Variants in HIBADH observed in about 807,000 individuals in gnomAD.
HIBADH encodes the protein 3-hydroxyisobutyrate dehydrogenase, mitochondrial.
In HIBADH, 25 loss-of-function variants were observed where a neutral mutation model predicts 36.1. The observed-to-expected ratio is 0.69, with a 90% confidence interval of 0.50 to 0.97. HIBADH has a LOEUF of 0.97. Among genes scored for constraint, HIBADH ranks in the 50% least tolerant of loss-of-function variants. The probability of loss-of-function intolerance (pLI) is 0.00; values close to 1 mark genes in which losing one functional copy is unlikely to be tolerated. For missense variants in HIBADH, 421 were observed against 418.0 expected, an observed-to-expected ratio of 1.01 and a Z score of -0.06; for synonymous variants, 160 against 149.5, an observed-to-expected ratio of 1.07 and a Z score of -0.51.
intron 2 of HIBADH, among the ~76,000 whole-genome samples, chr7:27,634,761 G>C (rs1349245808): frequency 1.3e-5 from 2 of 152,192 alleles, no homozygotes; most frequent in Non-Finnish European, 2.9e-5. Context: ...GGGCCCTGAA[G>C]GGCACCAACA....
At position 27,613,653 on chromosome 7, in the gene HIBADH, T is replaced by G. The variant is rs1338582692; in HGVS notation, c.484+15718A>C. Among the ~76,000 whole-genome samples the G allele has an allele frequency of 1.3e-4, 11 of 84,204 alleles. No individual in the cohort carries two copies. The Admixed American group carries it at 1.4e-3, about 11-fold the overall frequency. The allele number at this position is 84,204 out of a possible 152,430, so 55.2% of individuals were successfully genotyped here. A position where few individuals can be genotyped will look rare whatever the true frequency, so the allele number is the denominator to read the frequency against. On this transcript the variant is annotated intron_variant, in intron 4 of 7. Transcript: ENST00000265395. ...CTAGTGGGGTTTTTTGTTGTTGTTG[T>G]GGGTTTTTTTTGTTTTTTTTTTTTG...
intron 2 of HIBADH, among the ~76,000 whole-genome samples, chr7:27,639,207 G>A (rs544732267): frequency 3.9e-5 from 6 of 152,258 alleles, no homozygotes; most frequent in Admixed American, 2.0e-4. Context: ...ATCAATGGTA[G>A]ACTGAATAAA....
At chr7:27,619,442 A>G (rs1785498150) in intron 4 of HIBADH, among the ~76,000 whole-genome samples, 1 of 152,334 alleles carries the variant, frequency 6.6e-6, no homozygotes, top group South Asian at 2.1e-4. Context: ...GAATACAACA[A>G]TTCTACAACA....
chr7:27,652,244 T>C (rs6958747), intron 1 of HIBADH, among the ~76,000 whole-genome samples: 115,319 of 152,150 alleles, frequency 0.76, 44,134 homozygotes, highest in East Asian at 0.94. Flanking sequence ...CTTGTAAACA[T>C]TGTATGATAC....
intron 1 of HIBADH, among the ~76,000 whole-genome samples, chr7:27,658,379 A>G (rs539011177): frequency 6.6e-6 from 1 of 152,330 alleles, no homozygotes; most frequent in South Asian, 2.1e-4. Flanking sequence ...TCTATTACTG[A>G]GGACGAATGA....
At chr7:27,611,990 TCTTC>T (rs1171599482) in intron 4 of HIBADH, among the ~76,000 whole-genome samples, 1 of 152,122 alleles carries the variant, frequency 6.6e-6, no homozygotes, top group African/African-American at 2.4e-5. Flanking sequence ...AAACTGTTAC[TCTTC>T]CTTTTTTTTT....
At chr7:27,581,781 T>C (rs1301646782) in intron 4 of HIBADH, among the ~76,000 whole-genome samples, 2 of 151,904 alleles carry the variant, frequency 1.3e-5, no homozygotes, top group Admixed American at 1.3e-4. Context: ...AAGACCACCA[T>C]ACAGAATATC....
chr7:27,658,471 A>G (rs1459280534), intron 1 of HIBADH, among the ~76,000 whole-genome samples: 3 of 152,236 alleles, frequency 2.0e-5, no homozygotes, highest in Non-Finnish European at 4.4e-5. Context: ...TCTTTCTCCA[A>G]TGTAACAAGG....
At chr7:27,552,218 C>T (rs534170991) in intron 4 of HIBADH, among the ~76,000 whole-genome samples, 1 of 152,256 alleles carries the variant, frequency 6.6e-6, no homozygotes, top group South Asian at 2.1e-4. Context: ...TTTCAGAGTC[C>T]ATGTCAGATG....
At chr7:27,638,045 G>C (rs1201509581) in intron 2 of HIBADH, among the ~76,000 whole-genome samples, 1 of 151,924 alleles carries the variant, frequency 6.6e-6, no homozygotes, top group Non-Finnish European at 1.5e-5. Context: ...AACTACCAAT[G>C]ACATTCTTCA....
intron 7 of HIBADH, among the ~76,000 whole-genome samples, chr7:27,528,643 TAGTG>T (rs1783948475): frequency 6.6e-6 from 1 of 152,272 alleles, no homozygotes; most frequent in African/African-American, 2.4e-5. Context: ...GTGAAGCTAG[TAGTG>T]ATTAGTTCAT....
At chr7:27,577,951 C>A (rs1387696274) in intron 4 of HIBADH, among the ~76,000 whole-genome samples, 1 of 152,182 alleles carries the variant, frequency 6.6e-6, no homozygotes, top group African/African-American at 2.4e-5. Flanking sequence ...ATCAACAGTT[C>A]ATGACCCACC....
intron 4 of HIBADH, among the ~76,000 whole-genome samples, chr7:27,565,605 G>A (rs1385737676): frequency 2.6e-5 from 4 of 152,148 alleles, no homozygotes; most frequent in East Asian, 1.9e-4. Context: ...GGACAATCAT[G>A]TCATTTGTGA....
intron 1 of HIBADH, among the ~76,000 whole-genome samples, chr7:27,659,484 G>T (rs949824983): frequency 1.3e-5 from 2 of 152,092 alleles, no homozygotes; most frequent in African/African-American, 2.4e-5. Context: ...GGAGGCTGAG[G>T]CAGGAGGATC....
chr7:27,621,771 G>A (rs1785547505), intron 4 of HIBADH, among the ~76,000 whole-genome samples: 1 of 152,106 alleles, frequency 6.6e-6, no homozygotes, highest in African/African-American at 2.4e-5. Context: ...CAGCCTGGGT[G>A]ACAAAGCGAG....
chr7:27,632,379 T>A lies in HIBADH; in HGVS notation c.319A>T (p.Ile107Phe). Reference sequence around the variant, plus strand: ...CCGGAATAAGCTTCTATTGCATTGATACTGGTGGGCAGCATTGTAATAATT... The same window carrying A: ...CCGGAATAAGCTTCTATTGCATTGAAACTGGTGGGCAGCATTGTAATAATT... ...DRIITMLPTS[I>F]NAIEAYSGAN... The change falls in exon 3 of 8, where the codon ATC becomes TTC. Residue 107 changes from isoleucine to phenylalanine, a missense_variant. Transcript: ENST00000265395. 1 of 1,613,564 alleles carries A rather than the reference T, an allele frequency of 6.2e-7. No homozygotes were observed. Among genetic ancestry groups the A allele is most frequent in the Non-Finnish European group, 8.5e-7 (1 of 1,179,604 alleles).
At chr7:27,569,053 T>A (rs1784589756) in intron 4 of HIBADH, among the ~76,000 whole-genome samples, 1 of 152,104 alleles carries the variant, frequency 6.6e-6, no homozygotes, top group Non-Finnish European at 1.5e-5. Context: ...TTAGTCTGAT[T>A]AGATAATTTC....
intron 7 of HIBADH, among the ~76,000 whole-genome samples, chr7:27,529,589 A>G (rs965144468): frequency 5.9e-5 from 9 of 152,222 alleles, no homozygotes; most frequent in South Asian, 2.1e-4. Flanking sequence ...ATCTTGTGCT[A>G]AACTTGAAGG....
At chr7:27,526,846 C>A (rs531378343) in intron 7 of HIBADH, among the ~76,000 whole-genome samples, 1 of 152,166 alleles carries the variant, frequency 6.6e-6, no homozygotes, top group South Asian at 2.1e-4. Context: ...CACAGCCCAC[C>A]CAAACTCACA....
Sources: gnomAD v4.1 joint callset for allele counts (sites outside exome capture counted in the v4.1 genomes callset) on GRCh38, gnomAD v4.1.1 for gene constraint, MANE v1.5 for transcripts, NCBI Gene and HGNC (gene_info 2026-07-23, HGNC 2026-07-21) for gene names.